Variants in DDHD1 observed in about 807,000 individuals in gnomAD.
DDHD1 encodes the protein phospholipase DDHD1.
In DDHD1, 49 loss-of-function variants were observed where a neutral mutation model predicts 96.4. The observed-to-expected ratio is 0.51, with a 90% CI of 0.40 to 0.64. DDHD1 has a LOEUF of 0.64. Among genes scored for constraint, DDHD1 ranks in the 30% least tolerant of loss-of-function variants. The probability of loss-of-function intolerance (pLI) is 0.00; values close to 1 mark genes in which losing one functional copy is unlikely to be tolerated. For missense variants in DDHD1, 1,106 were observed against 1,161.2 expected (o/e 0.95, Z 0.69); for synonymous variants, 442 against 446.5 (o/e 0.99, Z 0.13).
intron 1 of DDHD1, among the ~76,000 whole-genome samples, chr14:53,132,673 T>G (rs1191430269): frequency 6.6e-6 from 1 of 152,202 alleles, no homozygotes; most frequent in Non-Finnish European, 1.5e-5. Flanking sequence ...AGAGGTTTCC[T>G]CACTACACAA....
At chr14:53,064,610 T>C (rs1006925065) in intron 6 of DDHD1, among the ~76,000 whole-genome samples, 4 of 152,240 alleles carry the variant, frequency 2.6e-5, no homozygotes, top group African/African-American at 9.6e-5. Flanking sequence ...TACTAAAATA[T>C]TTCACTATGG....
intron 1 of DDHD1, among the ~76,000 whole-genome samples, chr14:53,106,782 G>A: frequency 6.6e-6 from 1 of 152,168 alleles, no homozygotes; most frequent in East Asian, 1.9e-4. Context: ...CTATGACTCA[G>A]AGCTGTTCTG....
Position 53,055,921 on chromosome 14 carries a change from A to T in DDHD1, c.1993-9T>A, listed in dbSNP as rs1314546219. 6.8e-6 allele frequency: 8 copies of T among 1,171,950 alleles called. No individual in the cohort carries two copies. Among genetic ancestry groups the T allele is most frequent in the South Asian group, 1.8e-5 (1 of 56,084 alleles). The allele number at this position is 1,171,950 out of a possible 1,614,324, so 72.6% of individuals were successfully genotyped here. ...GGTTCTAATCTATAAGCCTTGATTT[A>T]AAAAAAAAAATTCAAAGAAACACAG... On this transcript the variant is annotated splice_polypyrimidine_tract_variant and intron_variant, in intron 9 of 12. Transcript: ENST00000673822.
At chr14:53,086,303 A>G (rs1275458697) in intron 4 of DDHD1, among the ~76,000 whole-genome samples, 9 of 152,142 alleles carry the variant, frequency 5.9e-5, no homozygotes, top group African/African-American at 7.2e-5. Flanking sequence ...TACAGAGAAC[A>G]CCACAAAGAT....
intron 1 of DDHD1, among the ~76,000 whole-genome samples, chr14:53,106,563 A>G (rs1887701855): frequency 1.3e-5 from 2 of 152,170 alleles, no homozygotes. Context: ...AGGCTGAGGC[A>G]TGAGAATTAC....
intron 1 of DDHD1, among the ~76,000 whole-genome samples, chr14:53,151,495 C>G (rs1891364916): frequency 6.6e-6 from 1 of 152,222 alleles, no homozygotes; most frequent in Non-Finnish European, 1.5e-5. Flanking sequence ...TCATATCACA[C>G]GTAAGTACCA....
chr14:53,138,642 G>C (rs1417027093), intron 1 of DDHD1, among the ~76,000 whole-genome samples: 1 of 152,022 alleles, frequency 6.6e-6, no homozygotes, highest in Non-Finnish European at 1.5e-5. Flanking sequence ...TAACTAATAA[G>C]AAAAATAATA....
chr14:53,058,750 T>A (rs974279814), intron 8 of DDHD1, 124 bp from the exon 9 acceptor site: 56 of 840,716 alleles, frequency 6.7e-5, no homozygotes, highest in Non-Finnish European at 9.9e-5. Context: ...TATTCGTTTT[T>A]AATAAGAGTT....
rs776761216 is a variant in DDHD1, at chr14:53,103,807, A to T, written c.888T>A (p.Thr296=). ...VMRGQWFIDG[T]WQPLEEEESN... ...TTTCTTCCTCTTCTAGAGGCTGCCA[A>T]GTGCCGTCAATAAACCACTGTCCAC... The change falls in exon 2 of 13, where the codon ACT becomes ACA. Residue 296 remains threonine, a synonymous_variant. Transcript: ENST00000673822. 1.2e-6 allele frequency: 2 copies of T among 1,612,812 alleles called. No homozygotes were observed. Among genetic ancestry groups the T allele is most frequent in the East Asian group, 4.5e-5 (2 of 44,780 alleles).
intron 6 of DDHD1, among the ~76,000 whole-genome samples, chr14:53,063,481 A>AT (rs980355361): frequency 6.6e-6 from 1 of 151,564 alleles, no homozygotes; most frequent in Non-Finnish European, 1.5e-5. Flanking sequence ...AGTTCCATAG[A>AT]TTAAAAAAAA....
At chr14:53,148,375 C>T (rs1891139557) in intron 1 of DDHD1, among the ~76,000 whole-genome samples, 1 of 151,730 alleles carries the variant, frequency 6.6e-6, no homozygotes, top group African/African-American at 2.4e-5. Context: ...TGCAGTGTCA[C>T]AATTTCGCCT....
chr14:53,046,787 G>A lies in DDHD1; in HGVS notation c.2684C>T (p.Pro895Leu), dbSNP rs749084227. Residue 895 changes from proline to leucine, a missense_variant, in exon 13 of 13, where the codon CCC becomes CTC. By Grantham distance (98) the Pro-to-Leu change is moderately conservative (BLOSUM62 -3). This residue lies in a region of DDHD1 where 650 missense variants were observed against 758.8 expected (regional missense o/e 0.86). Transcript: ENST00000673822. ...GAGAGTTCAGATTGGATCTAAATTG[G>A]GTTTTGCATCATCATCGTGCTCATG... ...YKHEHDDDAK[P>L]NLDPI 1 of 1,606,370 alleles carries A rather than the reference G, an allele frequency of 6.2e-7. No homozygotes were observed. The highest frequency in any genetic ancestry group is 1.1e-5 in the South Asian group (1 of 89,928).
chr14:53,052,243 C>T (rs572492724), intron 11 of DDHD1, among the ~76,000 whole-genome samples: 135 of 151,962 alleles, frequency 8.9e-4, no homozygotes, highest in Non-Finnish European at 1.7e-3. Context: ...GAAAAGAAGT[C>T]TAGACTTTTC....
chr14:53,121,834 T>A (rs1889013804), intron 1 of DDHD1, among the ~76,000 whole-genome samples: 1 of 151,252 alleles, frequency 6.6e-6, no homozygotes, highest in Non-Finnish European at 1.5e-5. Context: ...AAAATCTAGA[T>A]GATGGGTTGA....
At chr14:53,067,145 C>T (rs1884093061) in intron 6 of DDHD1, among the ~76,000 whole-genome samples, 1 of 150,658 alleles carries the variant, frequency 6.6e-6, no homozygotes, top group South Asian at 2.1e-4. Flanking sequence ...ATCCGGGAAA[C>T]TATTCCTTTT....
intron 1 of DDHD1, among the ~76,000 whole-genome samples, chr14:53,125,004 C>T (rs112847406): frequency 2.4e-4 from 36 of 152,144 alleles, no homozygotes; most frequent in African/African-American, 8.4e-4. Context: ...TCTCGTGTCT[C>T]TGTGTGCCCA....
intron 6 of DDHD1, among the ~76,000 whole-genome samples, chr14:53,072,334 A>T (rs972963213): frequency 2.6e-5 from 4 of 152,054 alleles, no homozygotes; most frequent in Admixed American, 2.6e-4. Flanking sequence ...ACAATCATAG[A>T]TATAATTAAT....
chr14:53,144,967 T>C (rs972207904), intron 1 of DDHD1, among the ~76,000 whole-genome samples: 3 of 151,958 alleles, frequency 2.0e-5, no homozygotes, highest in African/African-American at 7.3e-5. Context: ...CTTACCAACA[T>C]GGTGAAACCC....
At position 53,038,573 on chromosome 14, in the gene DDHD1, G is replaced by A. The variant is rs2139779948; in HGVS notation, c.*8195C>T. 2 of 152,256 alleles carry A rather than the reference G, an allele frequency of 1.3e-5. No homozygotes were observed. The highest frequency in any genetic ancestry group is 3.4e-3 in the Middle Eastern group (1 of 294). The allele number at this position is 152,256 out of a possible 1,614,324, so 9.4% of individuals were successfully genotyped here. A position where few individuals can be genotyped will look rare whatever the true frequency, so the allele number is the denominator to read the frequency against. On this transcript the variant is annotated 3_prime_UTR_variant, in exon 13 of 13. Transcript: ENST00000673822. ...TTCATGGATTGGAAGAATCAATATA[G>A]TTTAAAAATGGCCATACTGCCCAAA...
Sources: gnomAD v4.1 joint callset for allele counts (sites outside exome capture counted in the v4.1 genomes callset) on GRCh38, gnomAD v4.1.1 for gene constraint, gnomAD v4.1.1 regional missense constraint, MANE v1.5 for transcripts, NCBI Gene and HGNC (gene_info 2026-07-23, HGNC 2026-07-21) for gene names.